UNC5C: variants seen among roughly 807,000 people sequenced by gnomAD.
UNC5C encodes the protein netrin receptor UNC5C.
A neutral mutation model predicts 99.8 loss-of-function variants in UNC5C; 47 were observed. The observed-to-expected ratio is 0.47, with a 90% CI of 0.37 to 0.60. The LOEUF (loss-of-function observed/expected upper bound fraction) is 0.60, where lower values mean the gene tolerates loss of function less well. UNC5C is among the 20% of genes least tolerant of loss of function. UNC5C has a pLI of 0.00. For synonymous variants in UNC5C, 487 were observed against 452.2 expected (o/e 1.08, Z -0.98); for missense variants, 1,062 against 1,165.9 (o/e 0.91, Z 1.30).
intron 1 of UNC5C, among the ~76,000 whole-genome samples, chr4:95,476,410 C>G (rs896426989): frequency 2.0e-5 from 3 of 152,090 alleles, no homozygotes; most frequent in African/African-American, 7.2e-5. Flanking sequence ...TTGGGGATGA[C>G]AGACTGAGCT....
At chr4:95,385,143 T>G (rs1423944682) in intron 1 of UNC5C, among the ~76,000 whole-genome samples, 4 of 152,164 alleles carry the variant, frequency 2.6e-5, no homozygotes, top group Non-Finnish European at 5.9e-5. Context: ...CCATTCACAG[T>G]GCTTTGTAGA....
rs559370783 is a variant in UNC5C, at chr4:95,251,495, C to T, written c.595-828G>A. ...TTAATGTAGTAATAGTGATGTTATA[C>T]TTGCTGAATAAAAAGAGGAAACATA... On this transcript the variant is annotated intron_variant, in intron 4 of 15. Transcript: ENST00000453304. Among the ~76,000 whole-genome samples the T allele has an allele frequency of 5.3e-5, 8 of 152,258 alleles. No individual in the cohort carries two copies. In the South Asian group the frequency reaches 1.0e-3, roughly 20 times the overall value.
At position 95,397,325 on chromosome 4, in the gene UNC5C, C is replaced by T. The variant is rs146300231; in HGVS notation, c.125-61694G>A. ...CTGGTGCATTTAAATCTGCACCACC[C>T]TTGTATTTTCAACTAAACAAATATG... On this transcript the variant is annotated intron_variant, in intron 1 of 15. Coordinates refer to ENST00000453304, the MANE Select transcript of UNC5C (RefSeq NM_003728.4). Among the ~76,000 whole-genome samples, 1,040 of 152,300 alleles carry T rather than the reference C, an allele frequency of 6.8e-3. 13 individuals carry two copies. Among genetic ancestry groups the T allele is most frequent in the Admixed American group, 0.018 (271 of 15,306 alleles).
intron 13 of UNC5C, 128 bp downstream of exon 13, chr4:95,184,919 A>G (rs1736769737): frequency 1.8e-6 from 2 of 1,108,072 alleles, no homozygotes; most frequent in Non-Finnish European, 1.2e-6. Flanking sequence ...AATAACCCCA[A>G]ACTATTTTGG....
intron 2 of UNC5C, among the ~76,000 whole-genome samples, chr4:95,310,873 T>G (rs1742252127): frequency 6.6e-6 from 1 of 152,184 alleles, no homozygotes; most frequent in East Asian, 1.9e-4. Context: ...GTTTTCTGCC[T>G]TAAAACTTGA....
At chr4:95,473,219 T>C (rs959644589) in intron 1 of UNC5C, among the ~76,000 whole-genome samples, 1 of 152,164 alleles carries the variant, frequency 6.6e-6, no homozygotes, top group Non-Finnish European at 1.5e-5. Context: ...TAGGGACAAT[T>C]ATACTGAAAA....
At chr4:95,375,713 G>A (rs1462191795) in intron 1 of UNC5C, among the ~76,000 whole-genome samples, 1 of 152,086 alleles carries the variant, frequency 6.6e-6, no homozygotes, top group East Asian at 1.9e-4. Flanking sequence ...TTTAAATCCA[G>A]GAATAAAATA....
At chr4:95,534,701 T>G (rs757928905) in intron 1 of UNC5C, among the ~76,000 whole-genome samples, 6 of 152,164 alleles carry the variant, frequency 3.9e-5, no homozygotes, top group Non-Finnish European at 5.9e-5. Flanking sequence ...AGTCTGTTCA[T>G]TAGTCCATTT....
chr4:95,229,492 GTA>G (rs1738822093), intron 7 of UNC5C, among the ~76,000 whole-genome samples: 1 of 152,162 alleles, frequency 6.6e-6, no homozygotes, highest in Non-Finnish European at 1.5e-5. Context: ...ATTTCATGGT[GTA>G]TATGTGCCAC....
chr4:95,422,698 T>C (rs1746357117), intron 1 of UNC5C, among the ~76,000 whole-genome samples: 1 of 152,218 alleles, frequency 6.6e-6, no homozygotes, highest in African/African-American at 2.4e-5. Flanking sequence ...TGTATCTCAG[T>C]GAGAGAATGC....
At chr4:95,171,470 T>C (rs1414543863) in intron 14 of UNC5C, among the ~76,000 whole-genome samples, 1 of 150,440 alleles carries the variant, frequency 6.6e-6, no homozygotes, top group Admixed American at 6.7e-5. Flanking sequence ...AATTCCCCCG[T>C]GAGTGAGAAT....
At chr4:95,330,412 T>G (rs534104198) in intron 2 of UNC5C, among the ~76,000 whole-genome samples, 11 of 152,238 alleles carry the variant, frequency 7.2e-5, no homozygotes, top group East Asian at 3.9e-4. Flanking sequence ...GATATCTTTT[T>G]TGCCTCTAAG....
At chr4:95,229,497 T>C (rs188313503) in intron 7 of UNC5C, among the ~76,000 whole-genome samples, 146 of 152,358 alleles carry the variant, frequency 9.6e-4, no homozygotes, top group African/African-American at 2.2e-3. Context: ...ATGGTGTATA[T>C]GTGCCACATT....
At chr4:95,281,997 G>A (rs1741076297) in intron 3 of UNC5C, among the ~76,000 whole-genome samples, 2 of 152,124 alleles carry the variant, frequency 1.3e-5, no homozygotes, top group East Asian at 1.9e-4. Flanking sequence ...CCCCTAAGGG[G>A]AAAAGTCACC....
At chr4:95,408,642 T>C (rs1464915215) in intron 1 of UNC5C, among the ~76,000 whole-genome samples, 3 of 152,170 alleles carry the variant, frequency 2.0e-5, no homozygotes, top group Non-Finnish European at 4.4e-5. Context: ...GAATCAAGTT[T>C]GGCCTTTCAA....
At chr4:95,227,055 C>G (rs1738725491) in intron 7 of UNC5C, among the ~76,000 whole-genome samples, 1 of 151,980 alleles carries the variant, frequency 6.6e-6, no homozygotes, top group African/African-American at 2.4e-5. Context: ...TCCCTGGGTA[C>G]AGTGTGGCCT....
intron 1 of UNC5C, among the ~76,000 whole-genome samples, chr4:95,355,006 T>A (rs1246209668): frequency 6.6e-6 from 1 of 152,210 alleles, no homozygotes; most frequent in Non-Finnish European, 1.5e-5. Context: ...TTGTATTTTT[T>A]GAATAAATGA....
At chr4:95,489,749 G>C (rs966590039) in intron 1 of UNC5C, among the ~76,000 whole-genome samples, 1 of 151,708 alleles carries the variant, frequency 6.6e-6, no homozygotes, top group Non-Finnish European at 1.5e-5. Context: ...CTGACGAATG[G>C]AATGGGATGC....
chr4:95,265,289 C>CA (rs368177804), intron 4 of UNC5C, among the ~76,000 whole-genome samples: 18 of 149,430 alleles, frequency 1.2e-4, no homozygotes, highest in South Asian at 2.1e-4. Flanking sequence ...TCAACAAATA[C>CA]AAAAAAAACA....
Sources: gnomAD v4.1 joint callset for allele counts (sites outside exome capture counted in the v4.1 genomes callset) on GRCh38, gnomAD v4.1.1 for gene constraint, MANE v1.5 for transcripts, NCBI Gene and HGNC (gene_info 2026-07-23, HGNC 2026-07-21) for gene names.